COL4A2: variants seen among roughly 807,000 people sequenced by gnomAD.
COL4A2 encodes the protein collagen type IV alpha 2 chain.
COL4A2 carries 99 observed loss-of-function variants against 200.2 expected under a neutral mutation model. The observed-to-expected ratio is 0.49, with a 90% confidence interval of 0.42 to 0.58. The LOEUF is 0.58. Among genes scored for constraint, COL4A2 ranks in the 20% least tolerant of loss-of-function variants. COL4A2 has a pLI of 0.00. For missense variants in COL4A2, 1,950 were observed against 2,314.1 expected, an observed-to-expected ratio of 0.84 and a Z score of 3.23; for synonymous variants, 897 against 900.6, an observed-to-expected ratio of 1.00 and a Z score of 0.07.
At chr13:110,368,090 A>T (rs1214781984) in intron 4 of COL4A2, among the ~76,000 whole-genome samples, 1 of 152,222 alleles carries the variant, frequency 6.6e-6, no homozygotes. Flanking sequence ...TCGAAGAATG[A>T]TAGAATTATT....
chr13:110,458,015 G>A, intron 21 of COL4A2: 1 of 425,034 alleles, frequency 2.4e-6, no homozygotes, highest in South Asian at 1.8e-5. Flanking sequence ...GGCTCTGTGG[G>A]CCCTGGTGTG....
At chr13:110,427,144 G>C (rs1215427800) in intron 6 of COL4A2, among the ~76,000 whole-genome samples, 2 of 152,166 alleles carry the variant, frequency 1.3e-5, no homozygotes, top group African/African-American at 4.8e-5. Context: ...GGGTTTTGAG[G>C]TTTGTTTGTT....
At chr13:110,491,788 A>G (rs1328566740) in intron 37 of COL4A2, among the ~76,000 whole-genome samples, 1 of 152,198 alleles carries the variant, frequency 6.6e-6, no homozygotes, top group Admixed American at 6.5e-5. Context: ...GCACTGCCTC[A>G]GGGTCCTCTC....
chr13:110,475,016 A>G (rs1229935871), intron 29 of COL4A2, among the ~76,000 whole-genome samples: 2 of 151,582 alleles, frequency 1.3e-5, no homozygotes, highest in African/African-American at 4.9e-5. Flanking sequence ...GTACACTCAT[A>G]CACACACGTA....
intron 34 of COL4A2, among the ~76,000 whole-genome samples, chr13:110,488,782 G>A (rs1883190978): frequency 6.6e-6 from 1 of 152,226 alleles, no homozygotes; most frequent in Admixed American, 6.5e-5. Flanking sequence ...GGTCCACCAT[G>A]TGCACGCGGG....
At chr13:110,347,131 G>GCCC (rs1206083363) in intron 3 of COL4A2, among the ~76,000 whole-genome samples, 1 of 152,222 alleles carries the variant, frequency 6.6e-6, no homozygotes, top group Non-Finnish European at 1.5e-5. Context: ...GAAATGCCAA[G>GCCC]CCCCCTTTCC....
chr13:110,389,589 A>G (rs1427238477), intron 4 of COL4A2, among the ~76,000 whole-genome samples: 2 of 152,230 alleles, frequency 1.3e-5, no homozygotes, highest in South Asian at 2.1e-4. Flanking sequence ...TGGTCTATTA[A>G]TCTCCCCATG....
chr13:110,474,234 C>A (rs890951746), intron 29 of COL4A2, among the ~76,000 whole-genome samples: 2 of 152,216 alleles, frequency 1.3e-5, no homozygotes, highest in Admixed American at 6.5e-5. Context: ...AACCCCAGCC[C>A]GAAGAGGCTT....
intron 3 of COL4A2, among the ~76,000 whole-genome samples, chr13:110,336,079 G>A (rs1471092287): frequency 6.6e-6 from 1 of 152,154 alleles, no homozygotes; most frequent in Non-Finnish European, 1.5e-5. Flanking sequence ...GCAAAAATTT[G>A]CCTCTATGTA....
At position 110,512,350 on chromosome 13, in the gene COL4A2, C is replaced by T. The variant is rs2139565016; in HGVS notation, c.*159C>T. 2 of 1,280,928 alleles carry T rather than the reference C, an allele frequency of 1.6e-6. No homozygotes were observed. Among genetic ancestry groups the T allele is most frequent in the Admixed American group, 2.9e-5 (1 of 34,692 alleles). 79.3% of individuals were successfully genotyped at this position (1,280,928 alleles called of 1,614,324 possible). On this transcript the variant is annotated 3_prime_UTR_variant, in exon 48 of 48. Transcript: ENST00000360467. ...CACTTAGACCTGCCAGCCACTGTCA[C>T]CGAGCGGGTGCAAGCACTCGGGGTC...
rs553845903 is a variant in COL4A2 at position 110,505,151 on chromosome 13, C to T, written c.4402+887C>T. On this transcript the variant is annotated intron_variant, in intron 45 of 47. Transcript: ENST00000360467. Reference sequence around the variant, plus strand: ...GGATCACAAGGGCAGGAGATCGAGACCATCCTGGCTAACACGGTGAAACCC... The same window carrying T: ...GGATCACAAGGGCAGGAGATCGAGATCATCCTGGCTAACACGGTGAAACCC... 1.3e-3 allele frequency among the ~76,000 whole-genome samples: 196 copies of T among 151,256 alleles called. 1 individual carries two copies. The highest frequency in any genetic ancestry group is 2.4e-3 in the African/African-American group (101 of 41,272).
At chr13:110,439,514 A>C (rs1414842663) in intron 15 of COL4A2, among the ~76,000 whole-genome samples, 1 of 152,154 alleles carries the variant, frequency 6.6e-6, no homozygotes, top group African/African-American at 2.4e-5. Flanking sequence ...AGCAGCTTTG[A>C]GATTAGGATG....
At chr13:110,314,475 C>G (rs1385107344) in intron 3 of COL4A2, among the ~76,000 whole-genome samples, 1 of 152,192 alleles carries the variant, frequency 6.6e-6, no homozygotes, top group Non-Finnish European at 1.5e-5. Context: ...CAGAGGTAGA[C>G]CCAAGCGAAG....
intron 29 of COL4A2, among the ~76,000 whole-genome samples, chr13:110,476,067 C>T (rs1164361415): frequency 6.6e-6 from 1 of 152,226 alleles, no homozygotes. Flanking sequence ...CAGACTGTCT[C>T]CAGCCCTGCT....
chr13:110,388,225 C>T (rs1196580585), intron 4 of COL4A2, among the ~76,000 whole-genome samples: 1 of 152,160 alleles, frequency 6.6e-6, no homozygotes, highest in Non-Finnish European at 1.5e-5. Context: ...TCCAGGACGG[C>T]GGCAAGCGAG....
chr13:110,338,160 A>G (rs1430247996), intron 3 of COL4A2, among the ~76,000 whole-genome samples: 1 of 152,220 alleles, frequency 6.6e-6, no homozygotes, highest in Non-Finnish European at 1.5e-5. Flanking sequence ...ATTATATTCT[A>G]TAAATATTTC....
At chr13:110,469,006 A>G (rs1169788318) in intron 27 of COL4A2, among the ~76,000 whole-genome samples, 2 of 152,150 alleles carry the variant, frequency 1.3e-5, no homozygotes, top group Non-Finnish European at 2.9e-5. Context: ...AATATTGGAT[A>G]TTATCATTCT....
intron 33 of COL4A2, among the ~76,000 whole-genome samples, chr13:110,485,245 C>T (rs1453097636): frequency 6.6e-6 from 1 of 152,186 alleles, no homozygotes; most frequent in Non-Finnish European, 1.5e-5. Flanking sequence ...CAGCACTGGC[C>T]GGGCGCGGTG....
chr13:110,436,018 C>A, intron 12 of COL4A2: 1 of 583,750 alleles, frequency 1.7e-6, no homozygotes, highest in South Asian at 1.9e-5. Flanking sequence ...GAAACAAATG[C>A]AGTCCAGAAT....
Sources: gnomAD v4.1 joint callset for allele counts (sites outside exome capture counted in the v4.1 genomes callset) on GRCh38, gnomAD v4.1.1 for gene constraint, MANE v1.5 for transcripts, NCBI Gene and HGNC (gene_info 2026-07-23, HGNC 2026-07-21) for gene names.